The following SLX4IP variants were observed in gnomAD, a reference collection of about 807,000 sequenced individuals.
SLX4IP encodes the protein protein SLX4IP.
SLX4IP carries 34 observed loss-of-function variants against 32.9 expected under a neutral mutation model. That is an observed-to-expected ratio of 1.03 (90% CI 0.79 to 1.38). The LOEUF (loss-of-function observed/expected upper bound fraction) is 1.38, where lower values mean the gene tolerates loss of function less well. Ranked by LOEUF, SLX4IP falls within the 40% of genes most tolerant of loss-of-function variation. The pLI, the probability that SLX4IP is intolerant of heterozygous loss-of-function variation, is 0.00. For synonymous variants in SLX4IP, 172 were observed against 171.7 expected (o/e 1.00, Z -0.01); for missense variants, 444 against 479.0 (o/e 0.93, Z 0.68).
At chr20:10,565,023 T>A (rs1303984280) in intron 4 of SLX4IP, among the ~76,000 whole-genome samples, 1 of 152,204 alleles carries the variant, frequency 6.6e-6, no homozygotes, top group African/African-American at 2.4e-5. Context: ...GGTTTGTGGT[T>A]TTTGCCTTTT....
chr20:10,450,421 C>T lies in SLX4IP; in HGVS notation c.-29-7755C>T, dbSNP rs11907060. ...AATTCATATAAAGTTTTCAGGACAACCTTTATATACATTGTTTTTAAACAT... is the reference window on the plus strand; with the variant it reads ...AATTCATATAAAGTTTTCAGGACAATCTTTATATACATTGTTTTTAAACAT... On this transcript the variant is annotated intron_variant, in intron 1 of 7. Coordinates refer to ENST00000334534, the MANE Select transcript of SLX4IP (RefSeq NM_001009608.3). Among the ~76,000 whole-genome samples the T allele has an allele frequency of 9.5e-3, 1,439 of 152,210 alleles. 24 individuals are homozygous for T. The highest frequency in any genetic ancestry group is 0.031 in the African/African-American group (1,303 of 41,522).
intron 2 of SLX4IP, among the ~76,000 whole-genome samples, chr20:10,507,507 A>G (rs2065769559): frequency 6.6e-6 from 1 of 151,984 alleles, no homozygotes; most frequent in Admixed American, 6.6e-5. Flanking sequence ...ATCTCATAAG[A>G]GTTCAGAGAG....
At position 10,441,912 on chromosome 20, in the gene SLX4IP, T is replaced by C. The variant is rs574104795; in HGVS notation, c.-30+6459T>C. Among the ~76,000 whole-genome samples the C allele has an allele frequency of 4.1e-3, 631 of 152,280 alleles. 14 individuals are homozygous for C. The South Asian group carries it at 0.066, about 16-fold the overall frequency. Reference sequence around the variant, plus strand: ...TAAGTTTGTGATTCATTCCTTGATATTGGTTGTTTTGGTGGTAAGATTGGT... The same window carrying C: ...TAAGTTTGTGATTCATTCCTTGATACTGGTTGTTTTGGTGGTAAGATTGGT... On this transcript the variant is annotated intron_variant, in intron 1 of 7. Coordinates refer to ENST00000334534, the MANE Select transcript of SLX4IP (RefSeq NM_001009608.3).
intron 6 of SLX4IP, among the ~76,000 whole-genome samples, chr20:10,602,227 T>C (rs1412929747): frequency 6.6e-6 from 1 of 152,224 alleles, no homozygotes; most frequent in Non-Finnish European, 1.5e-5. Context: ...GACATTTTCA[T>C]GAGAACCAGT....
chr20:10,569,462 A>G (rs1032060356), intron 4 of SLX4IP, among the ~76,000 whole-genome samples: 1 of 151,754 alleles, frequency 6.6e-6, no homozygotes, highest in African/African-American at 2.4e-5. Context: ...ACTGTGCCCG[A>G]CCCAGATCTA....
chr20:10,493,155 C>T (rs1385774692), intron 2 of SLX4IP, among the ~76,000 whole-genome samples: 1 of 152,106 alleles, frequency 6.6e-6, no homozygotes, highest in Admixed American at 6.5e-5. Flanking sequence ...TCTTTTTCAA[C>T]ATTGCCTTGG....
At chr20:10,532,095 C>T (rs1600970317) in intron 2 of SLX4IP, among the ~76,000 whole-genome samples, 1 of 152,136 alleles carries the variant, frequency 6.6e-6, no homozygotes, top group Non-Finnish European at 1.5e-5. Flanking sequence ...TCAGCTATCT[C>T]GTCATTGACT....
rs756280312 is a variant in SLX4IP, at chr20:10,623,390, G to C, written c.*11G>C. 6.3e-7 allele frequency: 1 copy of C among 1,596,282 alleles called. No homozygotes were observed. Among genetic ancestry groups the C allele is most frequent in the Non-Finnish European group, 8.5e-7 (1 of 1,171,972 alleles). ...GAAAGAGGCCATTAACACCGAAGAG[G>C]TTTGTACCGTTGGAGTTGAGGACAT... On this transcript the variant is annotated 3_prime_UTR_variant, in exon 8 of 8. Coordinates refer to ENST00000334534, the MANE Select transcript of SLX4IP (RefSeq NM_001009608.3).
In SLX4IP at chr20:10,625,980, CTGT is replaced by C. The variant is rs1476810405; in HGVS notation, c.*2604_*2606del. ...TTAGGTAGGATATGAAGAGTTCTCA[CTGT>C]TGGGAATGGTATGTGTTTTGACATT... On this transcript the variant is annotated 3_prime_UTR_variant, in exon 8 of 8. Coordinates refer to ENST00000334534, the MANE Select transcript of SLX4IP (RefSeq NM_001009608.3). 6.8e-6 allele frequency: 1 copy of C among 147,044 alleles called. No individual in the cohort carries two copies. Among genetic ancestry groups the C allele is most frequent in the Non-Finnish European group, 1.5e-5 (1 of 66,934 alleles). 9.1% of individuals were successfully genotyped at this position (147,044 alleles called of 1,614,324 possible).
intron 3 of SLX4IP, among the ~76,000 whole-genome samples, chr20:10,557,094 C>G (rs544327843): frequency 6.6e-6 from 1 of 152,274 alleles, no homozygotes; most frequent in Admixed American, 6.5e-5. Context: ...TTAAAAATAT[C>G]ATTATCCGTG....
chr20:10,619,202 CTTTTCTTTTT>C (rs1263167862), intron 6 of SLX4IP, among the ~76,000 whole-genome samples: 3 of 146,626 alleles, frequency 2.0e-5, no homozygotes, highest in African/African-American at 5.1e-5. Flanking sequence ...TTTTCTTTTT[CTTTTCTTTTT>C]TTTTCTTTTT....
At chr20:10,574,641 T>C (rs983378597) in intron 4 of SLX4IP, among the ~76,000 whole-genome samples, 2 of 151,984 alleles carry the variant, frequency 1.3e-5, no homozygotes, top group Admixed American at 6.6e-5. Flanking sequence ...CCAGGACTCT[T>C]AGATTCTTGA....
At position 10,562,543 on chromosome 20, in the gene SLX4IP, A is replaced by G. The variant is rs2066344433; in HGVS notation, c.238+1723A>G. ...TCTCGGGGGGTTTTATAGGCACAAG[A>G]TGGGGGGCGTGGTAGGCCATGGTGT... On this transcript the variant is annotated intron_variant, in intron 4 of 7. Coordinates refer to ENST00000334534, the MANE Select transcript of SLX4IP (RefSeq NM_001009608.3). Among the ~76,000 whole-genome samples, 2 of 151,872 alleles carry G rather than the reference A, an allele frequency of 1.3e-5. 1 individual carries two copies. The highest frequency in any genetic ancestry group is 3.9e-4 in the East Asian group (2 of 5,160).
intron 4 of SLX4IP, among the ~76,000 whole-genome samples, chr20:10,578,943 G>A (rs1442983298): frequency 6.6e-6 from 1 of 151,916 alleles, no homozygotes; most frequent in Non-Finnish European, 1.5e-5. Flanking sequence ...TGAGTTATGG[G>A]AATTCTTTTA....
chr20:10,440,454 C>CA (rs1349622041), intron 1 of SLX4IP, among the ~76,000 whole-genome samples: 9 of 149,500 alleles, frequency 6.0e-5, no homozygotes, highest in African/African-American at 1.5e-4. Flanking sequence ...GACTCTGTCT[C>CA]AAAAAAAACC....
chr20:10,618,225 A>G (rs2067062139), intron 6 of SLX4IP, among the ~76,000 whole-genome samples: 1 of 152,174 alleles, frequency 6.6e-6, no homozygotes, highest in Non-Finnish European at 1.5e-5. Context: ...CCAAAGATCG[A>G]GAAAAGTCCT....
intron 2 of SLX4IP, among the ~76,000 whole-genome samples, chr20:10,508,581 A>G (rs1463058996): frequency 2.0e-5 from 3 of 152,174 alleles, no homozygotes; most frequent in South Asian, 2.1e-4. Flanking sequence ...TGCTATATCC[A>G]TTCATGCTCC....
chr20:10,602,187 C>T (rs756150006), intron 6 of SLX4IP, among the ~76,000 whole-genome samples: 1 of 152,154 alleles, frequency 6.6e-6, no homozygotes, highest in Admixed American at 6.5e-5. Context: ...GGGTCAGTGG[C>T]TTTTAAATTT....
intron 6 of SLX4IP, among the ~76,000 whole-genome samples, chr20:10,619,857 CA>C (rs917486287): frequency 7.4e-5 from 11 of 149,232 alleles, no homozygotes; most frequent in East Asian, 1.9e-4. Flanking sequence ...TCTTAGAAAA[CA>C]AAAAAAAAGG....
Sources: gnomAD v4.1 joint callset for allele counts (sites outside exome capture counted in the v4.1 genomes callset) on GRCh38, gnomAD v4.1.1 for gene constraint, MANE v1.5 for transcripts, NCBI Gene and HGNC (gene_info 2026-07-23, HGNC 2026-07-21) for gene names.